CD163: variants seen among roughly 807,000 people sequenced by gnomAD.
The protein encoded by CD163 is scavenger receptor cysteine-rich type 1 protein M130.
Under a neutral mutation model 129.2 loss-of-function variants are expected in CD163, and 64 were observed. That is an observed-to-expected ratio of 0.50 (90% CI 0.41 to 0.61). The LOEUF (loss-of-function observed/expected upper bound fraction) is 0.61, where lower values mean the gene tolerates loss of function less well. CD163 is among the 20% of genes least tolerant of loss of function. The pLI is 0.00. For synonymous variants in CD163, 446 were observed against 478.5 expected (o/e 0.93, Z 0.89); for missense variants, 1,061 against 1,377.9 (o/e 0.77, Z 3.64).
At chr12:7,481,881 C>T (rs1006323291) in intron 14 of CD163, among the ~76,000 whole-genome samples, 1 of 152,068 alleles carries the variant, frequency 6.6e-6, no homozygotes, top group Non-Finnish European at 1.5e-5. Context: ...TTAGGCTTCT[C>T]TAGACTTGTA....
At chr12:7,484,477 T>C (rs1322428286) in intron 11 of CD163, among the ~76,000 whole-genome samples, 1 of 151,776 alleles carries the variant, frequency 6.6e-6, no homozygotes, top group Non-Finnish European at 1.5e-5. Context: ...CCATCTCAAC[T>C]AAAAATACAA....
rs768069415 is a variant in CD163 at position 7,472,115 on chromosome 12, G to A, written c.*32-718C>T. On this transcript the variant is annotated intron_variant, in intron 16 of 16. Coordinates refer to ENST00000432237, the MANE Select transcript of CD163 (RefSeq NM_203416.4). ...GACAGAGCACCTGGGGGAATGGGGC[G>A]GCTGTGGGTGCAGCTTCAGCGCACT... Among the ~76,000 whole-genome samples the A allele has an allele frequency of 1.3e-3, 204 of 152,324 alleles. 3 individuals carry two copies. The highest frequency in any genetic ancestry group is 4.6e-3 in the African/African-American group (191 of 41,582).
At chr12:7,471,440 C>T (rs746297997) in intron 16 of CD163, 43 bp from the exon 17 acceptor site, 11 of 152,120 alleles carry the variant, frequency 7.2e-5, no homozygotes, top group Admixed American at 2.6e-4. Context: ...TCTCCATATG[C>T]GTATAAGAAT....
intron 16 of CD163, chr12:7,473,033 T>G (rs1361493975): frequency 6.6e-6 from 1 of 151,944 alleles, no homozygotes; most frequent in African/African-American, 2.4e-5. Context: ...GAAAAAAGAA[T>G]GAAAAGGAAC....
intron 6 of CD163, among the ~76,000 whole-genome samples, chr12:7,489,341 T>C (rs1447850320): frequency 6.6e-6 from 1 of 152,124 alleles, no homozygotes; most frequent in African/African-American, 2.4e-5. Flanking sequence ...TTCAAAGTCT[T>C]TTTTCCAAGA....
intron 16 of CD163, among the ~76,000 whole-genome samples, chr12:7,472,603 G>A (rs752609206): frequency 5.9e-5 from 9 of 152,126 alleles, no homozygotes; most frequent in Non-Finnish European, 8.8e-5. Context: ...TAGATAAATC[G>A]ATGAAGATGA....
intron 6 of CD163, among the ~76,000 whole-genome samples, chr12:7,489,468 C>T (rs1423827510): frequency 2.6e-5 from 4 of 151,916 alleles, no homozygotes; most frequent in African/African-American, 9.7e-5. Flanking sequence ...TACATAATTT[C>T]TTATAATTTC....
chr12:7,500,227 C>T (rs752912469), intron 3 of CD163, among the ~76,000 whole-genome samples: 2 of 151,692 alleles, frequency 1.3e-5, no homozygotes, highest in Non-Finnish European at 2.9e-5. Flanking sequence ...TCGAGACCAG[C>T]CTGGCCAATA....
At chr12:7,497,258 G>A in intron 4 of CD163, 125 bp from the exon 5 acceptor site, 1 of 745,104 alleles carries the variant, frequency 1.3e-6, no homozygotes, top group Non-Finnish European at 2.2e-6. Context: ...AAACTGTGAT[G>A]TACTGTACTA....
intron 16 of CD163, 38 bp downstream of exon 16, chr12:7,479,822 C>A: frequency 6.3e-7 from 1 of 1,596,392 alleles, no homozygotes; most frequent in Non-Finnish European, 8.5e-7. Context: ...AGGAATGCAG[C>A]TGTTTTGAAC....
At chr12:7,500,241 T>C (rs1426460495) in intron 3 of CD163, among the ~76,000 whole-genome samples, 1 of 151,210 alleles carries the variant, frequency 6.6e-6, no homozygotes, top group East Asian at 1.9e-4. Context: ...GCCAATATGG[T>C]GAAACCCTGT....
intron 15 of CD163, 56 bp downstream of exon 15, chr12:7,481,105 A>T (rs769085385): frequency 5.1e-6 from 8 of 1,583,440 alleles, no homozygotes. Context: ...TCTGTGCCTC[A>T]ACTGCAGCCA....
chr12:7,496,560 G>C lies in CD163; in HGVS notation c.1099+253C>G, dbSNP rs78589203. Among the ~76,000 whole-genome samples, 1,154 of 152,284 alleles carry C rather than the reference G, an allele frequency of 7.6e-3. 17 individuals carry two copies. Among genetic ancestry groups the C allele is most frequent in the African/African-American group, 0.027 (1,105 of 41,552 alleles). ...ATTTTGTCTCTCTGAGCTCCAGGTAGATTCTGAGTTTGAAGTGTGCTCCAT... is the reference window on the plus strand; with the variant it reads ...ATTTTGTCTCTCTGAGCTCCAGGTACATTCTGAGTTTGAAGTGTGCTCCAT... On this transcript the variant is annotated intron_variant, in intron 5 of 16. Coordinates refer to ENST00000432237, the MANE Select transcript of CD163 (RefSeq NM_203416.4). The surrounding 1 kb of genome is among the most constrained non-coding windows in gnomAD (Gnocchi z 4.8).
chr12:7,493,844 T>A (rs1036983512), intron 6 of CD163, among the ~76,000 whole-genome samples: 6 of 151,842 alleles, frequency 4.0e-5, no homozygotes, highest in South Asian at 2.1e-4. Context: ...AATGGTTTTT[T>A]AAAAAAAAAT....
chr12:7,490,682 C>T (rs1402067926), intron 6 of CD163, among the ~76,000 whole-genome samples: 1 of 151,930 alleles, frequency 6.6e-6, no homozygotes, highest in African/African-American at 2.4e-5. Flanking sequence ...TCTCATAAAC[C>T]TTTCACCTGA....
Position 7,485,104 on chromosome 12 carries a change from G to A in CD163, c.2771C>T (p.Thr924Ile), listed in dbSNP as rs1172308631. 5 of 1,600,190 alleles carry A rather than the reference G, an allele frequency of 3.1e-6. No individual in the cohort carries two copies. The highest frequency in any genetic ancestry group is 1.7e-6 in the Non-Finnish European group (2 of 1,171,486). The change falls in exon 11 of 17, where the codon ACA (threonine) becomes ATA (isoleucine). Residue 924 changes from threonine to isoleucine, a missense_variant. By Grantham distance (89) the Thr-to-Ile change is moderately conservative. Transcript: ENST00000432237. This position sits in a 1 kb window ranked among gnomAD's most constrained non-coding sequence, Gnocchi z 4.5. ...LASPSEETWI[T>I]CDNKIRLQEG... ...GGTCGATGGATACTCACTGTCACAT[G>A]TGATCCAGGTCTCCTCCGAGGGGCT...
chr12:7,502,858 A>T, intron 1 of CD163: 1 of 550,574 alleles, frequency 1.8e-6, no homozygotes, highest in South Asian at 2.7e-5. Flanking sequence ...TGGAAACAAC[A>T]TCAATGAAAC....
chr12:7,501,600 T>A (rs1213862447), intron 2 of CD163, 138 bp from the exon 3 acceptor site: 1 of 654,216 alleles, frequency 1.5e-6, no homozygotes, highest in Admixed American at 2.8e-5. Context: ...AACAGAAGAA[T>A]GTTATTTCAC....
At chr12:7,499,875 A>C (rs1358857203) in intron 3 of CD163, among the ~76,000 whole-genome samples, 1 of 152,192 alleles carries the variant, frequency 6.6e-6, no homozygotes, top group Non-Finnish European at 1.5e-5. Context: ...AGCACCTGTT[A>C]CATACCAAAC....
Sources: gnomAD v4.1 joint callset for allele counts (sites outside exome capture counted in the v4.1 genomes callset) on GRCh38, gnomAD v4.1.1 for gene constraint, Gnocchi (gnomAD v3.1) non-coding constraint, MANE v1.5 for transcripts, NCBI Gene and HGNC (gene_info 2026-07-23, HGNC 2026-07-21) for gene names.